The following TBX18 variants were observed in gnomAD, a reference collection of about 807,000 sequenced individuals.
TBX18 encodes the protein T-box transcription factor TBX18.
TBX18 carries 21 observed loss-of-function variants against 55.0 expected under a neutral mutation model. The observed-to-expected ratio is 0.38, with a 90% CI of 0.27 to 0.55. The LOEUF (loss-of-function observed/expected upper bound fraction) is 0.55. Among genes scored for constraint, TBX18 ranks in the 20% least tolerant of loss-of-function variants. The pLI, the probability that TBX18 is intolerant of heterozygous loss-of-function variation, is 0.73. For missense variants in TBX18, 840 were observed against 799.6 expected, an observed-to-expected ratio of 1.05 and a Z score of -0.61; for synonymous variants, 342 against 326.1, an observed-to-expected ratio of 1.05 and a Z score of -0.53.
At chr6:84,747,340 A>G (rs1376492000) in intron 5 of TBX18, among the ~76,000 whole-genome samples, 1 of 152,196 alleles carries the variant, frequency 6.6e-6, no homozygotes, top group Non-Finnish European at 1.5e-5. Flanking sequence ...AGAAATATAT[A>G]CATTTACCCA....
At position 84,736,878 on chromosome 6, in the gene TBX18, G is replaced by A; in HGVS notation, c.1631C>T (p.Pro544Leu). 6.2e-7 allele frequency: 1 copy of A among 1,613,454 alleles called. No individual in the cohort carries two copies. Among genetic ancestry groups the A allele is most frequent in the Non-Finnish European group, 8.5e-7 (1 of 1,179,778 alleles). The change falls in exon 8 of 8, where the codon CCT (proline) becomes CTT (leucine). Residue 544 changes from proline (P) to leucine (L), a missense_variant. By Grantham distance (98) the Pro-to-Leu change is moderately conservative. Transcript: ENST00000369663. The part of the protein sequence containing the change: ...FSTSPKLAAS[P>L]EKIVSSQGSF... ...TCCTTGGGAAGAAACAATTTTCTCA[G>A]GACTGGCAGCCAGTTTGGGGGATGT... is the stretch of plus-strand genomic sequence containing the variant.
At position 84,764,508 on chromosome 6, in the gene TBX18, A is replaced by C; in HGVS notation, c.-327T>G. 30 of 296,506 alleles carry C rather than the reference A, an allele frequency of 1.0e-4. No homozygotes were observed. Among genetic ancestry groups the C allele is most frequent in the Non-Finnish European group, 1.2e-4 (19 of 161,902 alleles). The allele number at this position is 296,506 out of a possible 1,614,324, so 18.4% of individuals were successfully genotyped here. ...AACTGATGCGCCAGAGAGGACTAAC[A>C]TGGGTAAAAAACACTCTGTGGACAC... On this transcript the variant is annotated 5_prime_UTR_variant, in exon 1 of 8. The change abolishes an upstream ATG in the 5' untranslated region. Coordinates refer to ENST00000369663, the MANE Select transcript of TBX18 (RefSeq NM_001080508.3).
At chr6:84,761,065 C>T (rs1767634322) in intron 2 of TBX18, among the ~76,000 whole-genome samples, 1 of 152,150 alleles carries the variant, frequency 6.6e-6, no homozygotes, top group South Asian at 2.1e-4. Context: ...ATCCTGGCTT[C>T]CCAAAGATGC....
intron 6 of TBX18, among the ~76,000 whole-genome samples, chr6:84,740,508 C>A (rs535766577): frequency 3.9e-5 from 6 of 152,228 alleles, no homozygotes; most frequent in Admixed American, 2.6e-4. Context: ...CAAGTTCATG[C>A]CACTTGATAG....
At position 84,763,566 on chromosome 6, in the gene TBX18, A is replaced by G. The variant is rs957303533; in HGVS notation, c.292+324T>C. 265 of 597,674 alleles carry G rather than the reference A, an allele frequency of 4.4e-4. 1 individual carries two copies. The highest frequency in any genetic ancestry group is 7.4e-4 in the Non-Finnish European group (238 of 321,246). The allele number at this position is 597,674 out of a possible 1,614,324, so 37.0% of individuals were successfully genotyped here. ...GTGCTTTTAAAAGTTAGGAAACAAAAAAGAGCACCCATTGGCTGGAACCCC... is the reference window on the plus strand; with the variant it reads ...GTGCTTTTAAAAGTTAGGAAACAAAGAAGAGCACCCATTGGCTGGAACCCC... On this transcript the variant is annotated intron_variant, in intron 1 of 7. Coordinates refer to ENST00000369663, the MANE Select transcript of TBX18 (RefSeq NM_001080508.3).
chr6:84,753,479 C>T (rs1767405850), intron 4 of TBX18, among the ~76,000 whole-genome samples: 1 of 151,382 alleles, frequency 6.6e-6, no homozygotes, highest in Non-Finnish European at 1.5e-5. Flanking sequence ...TAGAAAATCA[C>T]CTCTCATTTG....
chr6:84,763,569 G>A, intron 1 of TBX18: 1 of 606,398 alleles, frequency 1.6e-6, no homozygotes, highest in South Asian at 1.5e-5. Context: ...AAACAAAAAA[G>A]AGCACCCATT....
intron 2 of TBX18, 96 bp downstream of exon 2, chr6:84,762,448 C>T (rs1323044316): frequency 7.2e-5 from 103 of 1,421,904 alleles, no homozygotes; most frequent in Non-Finnish European, 9.7e-5. Flanking sequence ...TCCAGAACCC[C>T]CACCGAGCTG....
At chr6:84,749,362 T>C (rs1202899053) in intron 4 of TBX18, among the ~76,000 whole-genome samples, 7 of 152,220 alleles carry the variant, frequency 4.6e-5, no homozygotes, top group Non-Finnish European at 8.8e-5. Context: ...GTGGGCAGTT[T>C]AATAAGACAC....
intron 1 of TBX18, chr6:84,762,998 C>G (rs1767697483): frequency 1.8e-6 from 1 of 569,826 alleles, no homozygotes; most frequent in Non-Finnish European, 3.1e-6. Flanking sequence ...GAGAGGCGCG[C>G]GGGCAGCGTC....
Position 84,736,637 on chromosome 6 carries a change from AGAAAAT to A in TBX18, c.*42_*47del, listed in dbSNP as rs1409579665. ...TCCACATAGCTTTTAAAAAAGAAAAAGAAAATATGTTAGACAGATCCAAATGTCATT... is the reference window on the plus strand; with the variant it reads ...TCCACATAGCTTTTAAAAAAGAAAAAATGTTAGACAGATCCAAATGTCATT... On this transcript the variant is annotated 3_prime_UTR_variant, in exon 8 of 8. Coordinates refer to ENST00000369663, the MANE Select transcript of TBX18 (RefSeq NM_001080508.3). The A allele has an allele frequency of 6.8e-7, 1 of 1,461,550 alleles. No individual in the cohort carries two copies. The allele number at this position is 1,461,550 out of a possible 1,614,324, so 90.5% of individuals were successfully genotyped here. A position where few individuals can be genotyped will look rare whatever the true frequency, so the allele number is the denominator to read the frequency against.
intron 4 of TBX18, among the ~76,000 whole-genome samples, chr6:84,748,744 A>G (rs1252003432): frequency 6.6e-6 from 1 of 152,158 alleles, no homozygotes; most frequent in Non-Finnish European, 1.5e-5. Flanking sequence ...TGGTTCAACT[A>G]CCTTCTACCC....
chr6:84,738,849 G>A (rs1766967438), intron 6 of TBX18, among the ~76,000 whole-genome samples: 1 of 152,128 alleles, frequency 6.6e-6, no homozygotes, highest in Admixed American at 6.5e-5. Flanking sequence ...TGACCTGAAG[G>A]GTGAAAAGCT....
intron 6 of TBX18, among the ~76,000 whole-genome samples, chr6:84,740,461 C>T (rs1192717792): frequency 1.3e-5 from 2 of 151,976 alleles, no homozygotes; most frequent in Non-Finnish European, 2.9e-5. Flanking sequence ...TTTTCCAAAC[C>T]AGTCATCATA....
intron 5 of TBX18, among the ~76,000 whole-genome samples, chr6:84,747,631 G>T (rs1767231082): frequency 6.9e-6 from 1 of 144,280 alleles, no homozygotes; most frequent in African/African-American, 2.6e-5. Flanking sequence ...TATTTTTTAG[G>T]CAATAAAAAT....
At chr6:84,743,398 A>G (rs960682078) in intron 6 of TBX18, among the ~76,000 whole-genome samples, 4 of 152,324 alleles carry the variant, frequency 2.6e-5, no homozygotes, top group African/African-American at 9.6e-5. Context: ...TGCCTCTAAA[A>G]TAATTGGGGA....
chr6:84,744,672 T>C (rs1055353553), intron 5 of TBX18, among the ~76,000 whole-genome samples: 5 of 152,174 alleles, frequency 3.3e-5, no homozygotes, highest in African/African-American at 7.2e-5. Flanking sequence ...AGTTCTTCCC[T>C]TTAACTCTGA....
In TBX18 at chr6:84,735,251, C is replaced by T. The variant is rs934724927; in HGVS notation, c.*1434G>A. 13 of 152,190 alleles carry T rather than the reference C, an allele frequency of 8.5e-5. No individual in the cohort carries two copies. Among genetic ancestry groups the T allele is most frequent in the African/African-American group, 2.6e-4 (11 of 41,538 alleles). 9.4% of individuals were successfully genotyped at this position (152,190 alleles called of 1,614,324 possible). A position where few individuals can be genotyped will look rare whatever the true frequency, so the allele number is the denominator to read the frequency against. ...ATGTGCCTCATCATGTATTCTTAGC[C>T]TTTTTTATTTATCTCATACTGTGCT... On this transcript the variant is annotated 3_prime_UTR_variant, in exon 8 of 8. Transcript: ENST00000369663.
chr6:84,764,252 T>A lies in TBX18; in HGVS notation c.-71A>T. 1 of 1,369,066 alleles carries A rather than the reference T, an allele frequency of 7.3e-7. No homozygotes were observed. The highest frequency in any genetic ancestry group is 9.4e-7 in the Non-Finnish European group (1 of 1,068,252). The allele number at this position is 1,369,066 out of a possible 1,614,324, so 84.8% of individuals were successfully genotyped here. A position where few individuals can be genotyped will look rare whatever the true frequency, so the allele number is the denominator to read the frequency against. On this transcript the variant is annotated 5_prime_UTR_variant, in exon 1 of 8. Transcript: ENST00000369663. ...GCGGGCACACGCGCGCTCTCGCTCTTCCCCCACCAAAAACTAAAAGGCTCT... is the reference window on the plus strand; with the variant it reads ...GCGGGCACACGCGCGCTCTCGCTCTACCCCCACCAAAAACTAAAAGGCTCT...
Sources: allele counts gnomAD v4.1 joint callset (sites outside exome capture counted in the v4.1 genomes callset), GRCh38; gene constraint gnomAD v4.1.1; transcripts MANE v1.5; gene names NCBI Gene and HGNC (gene_info 2026-07-23, HGNC 2026-07-21).